GTF2IRD1: variants seen among roughly 807,000 people sequenced by gnomAD.
GTF2IRD1 encodes the protein GTF2I repeat domain containing 1.
In GTF2IRD1, 26 loss-of-function variants were observed where a neutral mutation model predicts 113.2. The observed-to-expected ratio is 0.23, with a 90% CI of 0.17 to 0.32. GTF2IRD1 has a LOEUF of 0.32. Ranked by LOEUF, GTF2IRD1 falls within the 10% of genes least tolerant of loss-of-function variation. The pLI is 1.00. For missense variants in GTF2IRD1, 864 were observed against 1,280.8 expected (o/e 0.67, Z 4.97); for synonymous variants, 484 against 529.1 (o/e 0.91, Z 1.17).
chr7:74,541,959 G>T (rs1239391169), intron 14 of GTF2IRD1, among the ~76,000 whole-genome samples: 1 of 148,920 alleles, frequency 6.7e-6, no homozygotes, highest in Admixed American at 6.7e-5. Flanking sequence ...AGACAGGAAC[G>T]GTAGGACCTA....
chr7:74,472,344 AG>A (rs781936564), intron 1 of GTF2IRD1, among the ~76,000 whole-genome samples: 1 of 152,198 alleles, frequency 6.6e-6, no homozygotes, highest in Non-Finnish European at 1.5e-5. Flanking sequence ...TTAGAACTGG[AG>A]GGAACCTCAG....
intron 17 of GTF2IRD1, among the ~76,000 whole-genome samples, chr7:74,547,908 C>G (rs1369477217): frequency 6.6e-5 from 10 of 152,094 alleles, no homozygotes; most frequent in Admixed American, 5.2e-4. Flanking sequence ...TCCCCAGATG[C>G]AGAATGGGAA....
intron 1 of GTF2IRD1, among the ~76,000 whole-genome samples, chr7:74,471,994 CAACAAACA>C (rs781491020): frequency 3.3e-5 from 5 of 152,004 alleles, no homozygotes; most frequent in South Asian, 4.1e-4. Flanking sequence ...TCTGTCTCAA[CAACAAACA>C]AACAAACAAA....
intron 11 of GTF2IRD1, 80 bp from the exon 12 acceptor site, chr7:74,538,056 T>C (rs1158757482): frequency 2.5e-5 from 36 of 1,458,362 alleles, no homozygotes; most frequent in Non-Finnish European, 3.1e-5. Flanking sequence ...CGGTGGGCCC[T>C]GACTGCCTGG....
At chr7:74,591,715 C>T (rs1312659439) in intron 24 of GTF2IRD1, among the ~76,000 whole-genome samples, 1 of 151,996 alleles carries the variant, frequency 6.6e-6, no homozygotes, top group African/African-American at 2.4e-5. Flanking sequence ...TCCTTACAAT[C>T]TTTTGGGTTT....
chr7:74,541,272 C>T (rs1409403280), intron 14 of GTF2IRD1, among the ~76,000 whole-genome samples: 2 of 151,826 alleles, frequency 1.3e-5, no homozygotes, highest in Non-Finnish European at 2.9e-5. Context: ...GAGGGTACTG[C>T]TTGAGGCCAG....
intron 25 of GTF2IRD1, 164 bp from the exon 26 acceptor site, chr7:74,600,880 G>A (rs1802718171): frequency 2.9e-6 from 2 of 679,030 alleles, no homozygotes; most frequent in Admixed American, 5.6e-5. Context: ...GGCTGGACAT[G>A]TGGGCTCTGG....
In GTF2IRD1 at chr7:74,555,025, T is replaced by G; in HGVS notation, c.1917-149T>G. 1.5e-6 allele frequency: 1 copy of G among 663,420 alleles called. No homozygotes were observed. The highest frequency in any genetic ancestry group is 2.5e-6 in the Non-Finnish European group (1 of 394,362). The allele number at this position is 663,420 out of a possible 1,614,324, so 41.1% of individuals were successfully genotyped here. ...CCAGCGCAGCCCCCCAGATTCCACA[T>G]GTGGGGCGGCAGGGACTCCAGGCCT... On this transcript the variant is annotated intron_variant, in intron 17 of 26. Coordinates refer to ENST00000424337, the MANE Select transcript of GTF2IRD1 (RefSeq NM_005685.4). This position sits in a 1 kb window ranked among gnomAD's most constrained non-coding sequence, Gnocchi z 5.3.
At position 74,544,684 on chromosome 7, in the gene GTF2IRD1, G is replaced by A; in HGVS notation, c.1619-71G>A. 2.0e-6 allele frequency: 3 copies of A among 1,485,108 alleles called. No individual in the cohort carries two copies. The Admixed American group carries it at 5.1e-5, about 25-fold the overall frequency. 92.0% of individuals were successfully genotyped at this position (1,485,108 alleles called of 1,614,324 possible). ...TGGCCTGCCATTCCCCAGCTATCTGGCCTGACGTCGGCAGTGCATGGCTTA... is the reference window on the plus strand; with the variant it reads ...TGGCCTGCCATTCCCCAGCTATCTGACCTGACGTCGGCAGTGCATGGCTTA... On this transcript the variant is annotated intron_variant, in intron 14 of 26. Transcript: ENST00000424337.
chr7:74,502,263 G>A (rs1277352089), intron 1 of GTF2IRD1, among the ~76,000 whole-genome samples: 1 of 152,150 alleles, frequency 6.6e-6, no homozygotes, highest in Non-Finnish European at 1.5e-5. Flanking sequence ...ATTTAAATGG[G>A]CCGAGCCAGG....
intron 11 of GTF2IRD1, among the ~76,000 whole-genome samples, chr7:74,537,863 G>C (rs1554350569): frequency 6.6e-6 from 1 of 152,198 alleles, no homozygotes. Flanking sequence ...AGATGGTGAA[G>C]AAGGGGGATC....
At chr7:74,598,579 G>A (rs1191764699) in intron 25 of GTF2IRD1, among the ~76,000 whole-genome samples, 4 of 151,882 alleles carry the variant, frequency 2.6e-5, no homozygotes, top group Non-Finnish European at 4.4e-5. Context: ...TCACACTACT[G>A]TACTTCAGCC....
chr7:74,491,307 A>T (rs1795323539), intron 1 of GTF2IRD1, among the ~76,000 whole-genome samples: 1 of 146,266 alleles, frequency 6.8e-6, no homozygotes. Flanking sequence ...GAGAAAAAAA[A>T]ATTCTTTTTT....
At chr7:74,557,909 C>T (rs1196989704) in intron 20 of GTF2IRD1, among the ~76,000 whole-genome samples, 187 bp downstream of exon 20, 1 of 152,170 alleles carries the variant, frequency 6.6e-6, no homozygotes, top group African/African-American at 2.4e-5. Context: ...ATAAAACAGA[C>T]ACAGTCCCTG....
At chr7:74,585,054 G>C (rs1161117545) in intron 22 of GTF2IRD1, among the ~76,000 whole-genome samples, 2 of 151,298 alleles carry the variant, frequency 1.3e-5, no homozygotes, top group Non-Finnish European at 2.9e-5. Flanking sequence ...CACCCACCTC[G>C]GCCTCCCAAA....
chr7:74,580,571 CT>C (rs879989543), intron 22 of GTF2IRD1, among the ~76,000 whole-genome samples: 37 of 149,744 alleles, frequency 2.5e-4, no homozygotes, highest in African/African-American at 5.1e-4. Context: ...GCTTGGTTGT[CT>C]TTTTTTTTTC....
chr7:74,540,051 A>T (rs1798544965), intron 14 of GTF2IRD1, 83 bp downstream of exon 14: 1 of 965,662 alleles, frequency 1.0e-6, no homozygotes, highest in African/African-American at 1.6e-5. Context: ...GGCCGTCCCC[A>T]GGTGTTTCTT....
chr7:74,494,895 G>A (rs1795568324), intron 1 of GTF2IRD1, among the ~76,000 whole-genome samples: 1 of 152,122 alleles, frequency 6.6e-6, no homozygotes, highest in Non-Finnish European at 1.5e-5. Context: ...GGGACTACAG[G>A]TATGCACTAC....
intron 1 of GTF2IRD1, among the ~76,000 whole-genome samples, chr7:74,480,744 C>T (rs1427725184): frequency 3.3e-5 from 5 of 152,200 alleles, no homozygotes; most frequent in South Asian, 2.1e-4. Flanking sequence ...ATACTGCCGG[C>T]GGCGGCGGAG....
Sources: gnomAD v4.1 joint callset for allele counts (sites outside exome capture counted in the v4.1 genomes callset) on GRCh38, gnomAD v4.1.1 for gene constraint, Gnocchi (gnomAD v3.1) non-coding constraint, MANE v1.5 for transcripts, NCBI Gene and HGNC (gene_info 2026-07-23, HGNC 2026-07-21) for gene names.